HBS1L: variants seen among roughly 807,000 people sequenced by gnomAD.
HBS1L encodes HBS1 like translational GTPase, also known as HBS1-like protein.
A neutral mutation model predicts 88.9 loss-of-function variants in HBS1L; 55 were observed. That is an observed-to-expected ratio of 0.62 (90% CI 0.50 to 0.77). The LOEUF (loss-of-function observed/expected upper bound fraction) is 0.77. HBS1L is among the 30% of genes least tolerant of loss of function. The pLI, the probability that HBS1L is intolerant of heterozygous loss-of-function variation, is 0.00. For missense variants in HBS1L, 741 were observed against 829.3 expected (o/e 0.89, Z 1.31); for synonymous variants, 267 against 288.5 (o/e 0.93, Z 0.76).
intron 4 of HBS1L, chr6:135,037,158 T>G: frequency 6.4e-7 from 1 of 1,551,738 alleles, no homozygotes; most frequent in Non-Finnish European, 8.7e-7. Flanking sequence ...ACGACAGAGA[T>G]CCTGTTAATT....
intron 13 of HBS1L, chr6:134,982,178 T>A (rs543815572): frequency 3.1e-6 from 1 of 323,046 alleles, no homozygotes; most frequent in Non-Finnish European, 5.7e-6. Context: ...TATCTATACA[T>A]ATCTGATTAA....
intron 14 of HBS1L, 149 bp downstream of exon 14, chr6:134,979,029 A>AT: frequency 3.1e-6 from 2 of 648,292 alleles, no homozygotes; most frequent in South Asian, 3.8e-5. Flanking sequence ...ATTAATTCAA[A>AT]TTTTAAGTAA....
chr6:135,002,764 T>C lies in HBS1L; in HGVS notation c.509A>G (p.Lys170Arg). The change falls in exon 5 of 18, where the codon AAG (lysine) becomes AGG (arginine). Residue 170 changes from lysine (K) to arginine (R), a missense_variant. Physicochemically the swap from Lys to Arg is conservative, Grantham distance 26 (BLOSUM62 2). Around this residue, in one of 3 missense-constraint regions of HBS1L, gnomAD observed 556 missense variants for 598.4 expected, o/e 0.93. Coordinates refer to ENST00000367837, the MANE Select transcript of HBS1L (RefSeq NM_006620.4). ...PKVAKMTVSG[K>R]KQTMGFEVPG... ...CACTTCAAATCCCATAGTTTGCTTC[T>C]TTCCAGATACAGTCATTTTAGCAAC... is the stretch of plus-strand genomic sequence containing the variant. The C allele has an allele frequency of 1.2e-6, 2 of 1,613,182 alleles. No homozygotes were observed. The highest frequency in any genetic ancestry group is 2.2e-5 in the East Asian group (1 of 44,846).
chr6:134,981,107 T>C (rs1159282451), intron 13 of HBS1L, among the ~76,000 whole-genome samples: 1 of 151,982 alleles, frequency 6.6e-6, no homozygotes, highest in Non-Finnish European at 1.5e-5. Context: ...CTAAGGATTT[T>C]AGAGGTTACA....
At chr6:135,001,330 C>A (rs771615630) in intron 5 of HBS1L, among the ~76,000 whole-genome samples, 1 of 152,080 alleles carries the variant, frequency 6.6e-6, no homozygotes, top group Non-Finnish European at 1.5e-5. Flanking sequence ...TACCCATTAT[C>A]TTTATAATTA....
intron 4 of HBS1L, among the ~76,000 whole-genome samples, chr6:135,014,471 A>G (rs1479820216): frequency 6.6e-6 from 1 of 152,208 alleles, no homozygotes; most frequent in Admixed American, 6.5e-5. Context: ...CGATAAGATG[A>G]AACGAAAAAA....
chr6:135,052,796 G>A (rs1777129791), intron 1 of HBS1L, among the ~76,000 whole-genome samples: 1 of 152,074 alleles, frequency 6.6e-6, no homozygotes, highest in Admixed American at 6.5e-5. Flanking sequence ...GCCTTCCTGA[G>A]ACTTTTAAAT....
chr6:134,999,448 CTTTTT>C (rs35807723), intron 5 of HBS1L, among the ~76,000 whole-genome samples: 357 of 124,746 alleles, frequency 2.9e-3, no homozygotes, highest in South Asian at 4.5e-3. Flanking sequence ...TTTTTCTTTT[CTTTTT>C]TTTTTTTTTT....
At chr6:135,040,602 G>A (rs935329603) in intron 3 of HBS1L, among the ~76,000 whole-genome samples, 3 of 151,836 alleles carry the variant, frequency 2.0e-5, no homozygotes, top group Non-Finnish European at 4.4e-5. Context: ...CACCTGCCTC[G>A]GCCTGCCAAA....
At position 134,985,337 on chromosome 6, in the gene HBS1L, T is replaced by C. The variant is rs1774947548; in HGVS notation, c.1492+4A>G. 8 of 1,589,824 alleles carry C rather than the reference T, an allele frequency of 5.0e-6. No homozygotes were observed. Among genetic ancestry groups the C allele is most frequent in the Non-Finnish European group, 6.9e-6 (8 of 1,162,818 alleles). On this transcript the variant is annotated splice_donor_region_variant and intron_variant, in intron 12 of 17. Transcript: ENST00000367837. ...TGAAGAAGCACTACAAAGGTAGCAC[T>C]TACCTTTGAAAACATCGGACACACA...
intron 17 of HBS1L, 110 bp downstream of exon 17, chr6:134,966,219 T>A: frequency 1.1e-6 from 1 of 947,360 alleles, no homozygotes. Flanking sequence ...CTTCTCCTAA[T>A]CAATGCTTTT....
rs75383165 is a variant in HBS1L, at chr6:135,048,377, G to A, written c.109+2205C>T. 5.9e-3 allele frequency among the ~76,000 whole-genome samples: 905 copies of A among 152,200 alleles called. 9 individuals are homozygous for A. The highest frequency in any genetic ancestry group is 0.017 in the African/African-American group (720 of 41,508). ...GGTTGGAATCCCCTCTTTAAAAGGC[G>A]GAATCCCCTCTTTAAAAGGCTGAAT... On this transcript the variant is annotated intron_variant, in intron 2 of 17. Transcript: ENST00000367837.
rs765740140 is a variant in HBS1L, at chr6:134,997,409, A to T, written c.787T>A (p.Leu263Ile). 6.2e-7 allele frequency: 1 copy of T among 1,613,954 alleles called. No homozygotes were observed. The highest frequency in any genetic ancestry group is 1.1e-5 in the South Asian group (1 of 91,076). Residue 263 changes from leucine to isoleucine, a missense_variant, in exon 6 of 18, where the codon TTA becomes ATA. Around this residue, in one of 3 missense-constraint regions of HBS1L, gnomAD observed 556 missense variants for 598.4 expected, o/e 0.93. Coordinates refer to ENST00000367837, the MANE Select transcript of HBS1L (RefSeq NM_006620.4). ...KRQGGKQLLN[L>I]VVIGHVDAGK... ...CAAAGAGCATTACCAATGACCACTA[A>T]GTTGAGTAGCTGCTTCCCTCCTTGC...
chr6:135,042,354 C>T (rs1208741592), intron 2 of HBS1L, among the ~76,000 whole-genome samples: 1 of 152,086 alleles, frequency 6.6e-6, no homozygotes, highest in African/African-American at 2.4e-5. Flanking sequence ...TTCTTTCCCC[C>T]AATCTCTGAA....
chr6:135,038,131 ATGCTTCT>A, intron 4 of HBS1L: 1 of 831,220 alleles, frequency 1.2e-6, no homozygotes, highest in Non-Finnish European at 1.8e-6. Flanking sequence ...TAATTACTAA[ATGCTTCT>A]TTTGATTATG....
rs1466382282 is a variant in HBS1L, at chr6:134,987,715, C to T, written c.1160G>A (p.Arg387Gln). 1.9e-6 allele frequency: 3 copies of T among 1,609,814 alleles called. No individual in the cohort carries two copies. The highest frequency in any genetic ancestry group is 2.7e-5 in the African/African-American group (2 of 74,676). ...EAGFETGGQT[R>Q]EHGLLVRSLG... is the part of the protein sequence containing the mutation. ...AGAACGGACCAAGAGTCCATGCTCT[C>T]GTGTTTGTCCTCCAGTCTCAAATCC... The change falls in exon 9 of 18, where the codon CGA becomes CAA. Residue 387 changes from arginine (R) to glutamine (Q), a missense_variant. Physicochemically the swap from Arg to Gln is conservative, Grantham distance 43. Transcript: ENST00000367837.
intron 7 of HBS1L, among the ~76,000 whole-genome samples, chr6:134,994,435 G>T (rs1029857631): frequency 4.6e-5 from 7 of 152,068 alleles, no homozygotes; most frequent in Non-Finnish European, 7.4e-5. Context: ...ATTCTTCCTG[G>T]AGACCAACAT....
intron 9 of HBS1L, 59 bp downstream of exon 9, chr6:134,987,586 C>CA: frequency 7.4e-7 from 1 of 1,353,794 alleles, no homozygotes; most frequent in East Asian, 2.6e-5. Context: ...GTCATCTATA[C>CA]AAGCAGAATA....
chr6:134,962,185 T>C lies in HBS1L; in HGVS notation c.*3094A>G, dbSNP rs1020022265. On this transcript the variant is annotated 3_prime_UTR_variant, in exon 18 of 18. Transcript: ENST00000367837. The stretch of plus-strand genomic sequence containing the variant: ...CTACTTGTCTTGATTTTTTGAAAAC[T>C]GTATAATTTTGAATAACTTCTATAT... The C allele has an allele frequency of 9.2e-5, 14 of 152,210 alleles. No homozygotes were observed. Among genetic ancestry groups the C allele is most frequent in the African/African-American group, 3.1e-4 (13 of 41,454 alleles). The allele number at this position is 152,210 out of a possible 1,614,324, so 9.4% of individuals were successfully genotyped here. A position where few individuals can be genotyped will look rare whatever the true frequency, so the allele number is the denominator to read the frequency against.
Sources: gnomAD v4.1 joint callset for allele counts (sites outside exome capture counted in the v4.1 genomes callset) on GRCh38, gnomAD v4.1.1 for gene constraint, gnomAD v4.1.1 regional missense constraint, MANE v1.5 for transcripts, NCBI Gene and HGNC (gene_info 2026-07-23, HGNC 2026-07-21) for gene names.